Variants in FANCA observed in about 807,000 individuals in gnomAD.
The protein encoded by FANCA is FA complementation group A.
In FANCA, 236 loss-of-function variants were observed where a neutral mutation model predicts 194.3. That is an observed-to-expected ratio of 1.21 (90% CI 1.09 to 1.35). FANCA has a LOEUF of 1.35. FANCA is among the 40% of genes most tolerant of loss of function. FANCA has a pLI of 0.00. For synonymous variants in FANCA, 1,014 were observed against 715.8 expected (o/e 1.42, Z -6.65); for missense variants, 2,628 against 1,813.9 (o/e 1.45, Z -8.15).
chr16:89,773,329 C>G lies in FANCA; in HGVS notation c.1956G>C (p.Gln652His). The G allele has an allele frequency of 1.3e-6, 2 of 1,551,608 alleles. No individual in the cohort carries two copies. The highest frequency in any genetic ancestry group is 1.7e-6 in the Non-Finnish European group (2 of 1,146,992). The change falls in exon 22 of 43, where the codon CAG becomes CAC. Residue 652 changes from glutamine to histidine, a missense_variant. By Grantham distance (24) the Gln-to-His change is conservative. Coordinates refer to ENST00000389301, the MANE Select transcript of FANCA (RefSeq NM_000135.4). ...TCAGCTCTCCCAGTGCAGCTGTGAG[C>G]TGTCCCAGGGGCTCCTCAGCAGAGT... ...EPNSAEEPLG[Q>H]LTAALGELRA...
chr16:89,742,665 A>AAAAAAAAAAAAAAAAAAAG (rs2062165189), intron 37 of FANCA, 135 bp downstream of exon 37: 1 of 794,242 alleles, frequency 1.3e-6, no homozygotes, highest in Non-Finnish European at 1.8e-6. Flanking sequence ...AAAAAAAAAA[A>AAAAAAAAAAAAAAAAAAAG]AAAAAAAAAA....
chr16:89,811,744 T>A (rs2040889946), intron 3 of FANCA, among the ~76,000 whole-genome samples: 1 of 152,074 alleles, frequency 6.6e-6, no homozygotes, highest in Non-Finnish European at 1.5e-5. Flanking sequence ...TTGTTTTATT[T>A]TTTTGCAATG....
Position 89,767,311 on chromosome 16 carries a change from T to C in FANCA, c.2505-74A>G. The C allele has an allele frequency of 5.6e-6, 6 of 1,077,970 alleles. No homozygotes were observed. In the Admixed American group the frequency reaches 1.1e-4, roughly 19 times the overall value. The allele number at this position is 1,077,970 out of a possible 1,614,324, so 66.8% of individuals were successfully genotyped here. Reference sequence around the variant, plus strand: ...GATGAAGGAAAAAGTTACTTTGAATTTCATAAAACTGAATTTAGTGCATTC... The same window carrying C: ...GATGAAGGAAAAAGTTACTTTGAATCTCATAAAACTGAATTTAGTGCATTC... On this transcript the variant is annotated intron_variant, in intron 26 of 42. Transcript: ENST00000389301.
intron 27 of FANCA, 23 bp from the exon 28 acceptor site, chr16:89,765,089 C>T (rs760809361): frequency 8.1e-6 from 13 of 1,613,340 alleles, no homozygotes; most frequent in South Asian, 4.4e-5. Flanking sequence ...GTGACCCGGC[C>T]GTTTCTTCAT....
intron 29 of FANCA, among the ~76,000 whole-genome samples, chr16:89,759,223 G>A (rs1401517031): frequency 2.7e-5 from 4 of 148,874 alleles, no homozygotes; most frequent in Non-Finnish European, 5.9e-5. Context: ...AGGAGGCTGA[G>A]GCAGGAGAAT....
chr16:89,799,786 G>A (rs1029363739), intron 8 of FANCA, 148 bp from the exon 9 acceptor site: 22 of 699,148 alleles, frequency 3.1e-5, no homozygotes, highest in Non-Finnish European at 4.9e-5. Context: ...GAGGTCAGGA[G>A]ATCGAGACCA....
chr16:89,791,026 T>G (rs199651807), intron 14 of FANCA: 8,632 of 140,066 alleles, frequency 0.062, 188 homozygotes, highest in East Asian at 0.18. Context: ...TGTGTGTGTT[T>G]TTTTTTTTTT....
intron 20 of FANCA, chr16:89,778,469 A>G (rs1237449132): frequency 3.1e-6 from 1 of 320,898 alleles, no homozygotes; most frequent in Non-Finnish European, 5.8e-6. Flanking sequence ...CCATCTAAAA[A>G]AAAAAAAAAA....
intron 31 of FANCA, among the ~76,000 whole-genome samples, chr16:89,750,352 G>C (rs1312213111): frequency 6.6e-6 from 1 of 152,202 alleles, no homozygotes; most frequent in South Asian, 2.1e-4. Context: ...GCATGGTGGC[G>C]GGTGCCTGTA....
chr16:89,760,466 C>T (rs2038915321), intron 29 of FANCA, among the ~76,000 whole-genome samples: 1 of 152,198 alleles, frequency 6.6e-6, no homozygotes, highest in African/African-American at 2.4e-5. Flanking sequence ...CACAGGGTGG[C>T]TGTTGCCAAC....
Position 89,808,385 on chromosome 16 carries a change from A to G in FANCA, c.523-18T>C, listed in dbSNP as rs769531224. On this transcript the variant is annotated intron_variant, in intron 5 of 42. Coordinates refer to ENST00000389301, the MANE Select transcript of FANCA (RefSeq NM_000135.4). ...AAAGAACTCTGAAAAACAAAACAAA[A>G]CAAACAAAAACAAAAACAAAAAAAC... The G allele has an allele frequency of 1.2e-6, 2 of 1,613,224 alleles. No homozygotes were observed. The highest frequency in any genetic ancestry group is 1.7e-6 in the Non-Finnish European group (2 of 1,179,424).
rs745666586 is a variant in FANCA, at chr16:89,810,953, A to G, written c.402T>C (p.Pro134=). ...ICTAPAETSH[P]VLLTVEQRKK... ...CTCTCTGCTCCACAGTCAGCAGCAC[A>G]GGGTGACTGGTCTCCGCTGGAGCCG... The change falls in exon 4 of 43, where the codon CCT becomes CCC. Residue 134 remains proline, a synonymous_variant. Transcript: ENST00000389301. 14 of 1,614,148 alleles carry G rather than the reference A, an allele frequency of 8.7e-6. No individual in the cohort carries two copies. In the South Asian group the frequency reaches 1.3e-4, roughly 15 times the overall value.
chr16:89,756,420 G>T (rs1038019978), intron 30 of FANCA, among the ~76,000 whole-genome samples: 3 of 152,190 alleles, frequency 2.0e-5, no homozygotes, highest in African/African-American at 7.2e-5. Context: ...CCTGAGGTCA[G>T]AAGTTCAAGA....
At chr16:89,761,327 G>A (rs1289701635) in intron 29 of FANCA, among the ~76,000 whole-genome samples, 9 of 151,284 alleles carry the variant, frequency 5.9e-5, no homozygotes, top group African/African-American at 2.2e-4. Flanking sequence ...GCTGAGCCAG[G>A]AGAATGGCGT....
intron 31 of FANCA, among the ~76,000 whole-genome samples, chr16:89,751,382 G>T (rs1002591602): frequency 6.6e-6 from 1 of 152,156 alleles, no homozygotes; most frequent in African/African-American, 2.4e-5. Flanking sequence ...CACGCTGTCA[G>T]GATTGCTTGA....
At chr16:89,774,096 C>T (rs755093163) in intron 21 of FANCA, among the ~76,000 whole-genome samples, 8 of 152,154 alleles carry the variant, frequency 5.3e-5, no homozygotes, top group Middle Eastern at 3.4e-3. Flanking sequence ...AAGGAAGATA[C>T]GCTGCATATG....
At chr16:89,808,529 T>G (rs1279514686) in intron 5 of FANCA, among the ~76,000 whole-genome samples, 162 bp from the exon 6 acceptor site, 1 of 152,222 alleles carries the variant, frequency 6.6e-6, no homozygotes, top group Non-Finnish European at 1.5e-5. Context: ...AAACACATCT[T>G]TTTTTACAAA....
In FANCA at chr16:89,753,513, AAG is replaced by A. The variant is rs1196890449; in HGVS notation, c.2982-1293_2982-1292del. Among the ~76,000 whole-genome samples, 9 of 152,324 alleles carry A rather than the reference AAG, an allele frequency of 5.9e-5. No individual in the cohort carries two copies. The East Asian group carries it at 1.7e-3, about 29-fold the overall frequency. On this transcript the variant is annotated intron_variant, in intron 30 of 42. Coordinates refer to ENST00000389301, the MANE Select transcript of FANCA (RefSeq NM_000135.4). ...ATAACGCAGTTATCAATAAAATAAA[AAG>A]CAAAAACCGTAAGATTATCTCAATA...
At chr16:89,766,670 G>A (rs922467498) in intron 27 of FANCA, among the ~76,000 whole-genome samples, 3 of 150,212 alleles carry the variant, frequency 2.0e-5, no homozygotes, top group East Asian at 3.9e-4. Context: ...GGCCGAGATC[G>A]CACCACTGCA....
Sources: gnomAD v4.1 joint callset for allele counts (sites outside exome capture counted in the v4.1 genomes callset) on GRCh38, gnomAD v4.1.1 for gene constraint, MANE v1.5 for transcripts, NCBI Gene and HGNC (gene_info 2026-07-23, HGNC 2026-07-21) for gene names.